The following GPC6 variants were observed in gnomAD, a reference collection of about 807,000 sequenced individuals.
The protein encoded by GPC6 is glypican-6.
Under a neutral mutation model 55.2 loss-of-function variants are expected in GPC6, and 14 were observed. That is an observed-to-expected ratio of 0.25 (90% CI 0.17 to 0.40). The LOEUF (loss-of-function observed/expected upper bound fraction) is 0.40. Ranked by LOEUF, GPC6 falls within the 10% of genes least tolerant of loss-of-function variation. GPC6 has a pLI of 1.00. For missense variants in GPC6, 641 were observed against 708.5 expected, an observed-to-expected ratio of 0.90 and a Z score of 1.08; for synonymous variants, 278 against 259.6, an observed-to-expected ratio of 1.07 and a Z score of -0.68.
At chr13:94,242,220 C>A (rs1891076022) in intron 4 of GPC6, among the ~76,000 whole-genome samples, 1 of 152,032 alleles carries the variant, frequency 6.6e-6, no homozygotes. Context: ...TTTCCAGCTT[C>A]ATCCATGTCC....
chr13:94,311,118 G>C (rs1218390454), intron 6 of GPC6, among the ~76,000 whole-genome samples: 1 of 152,142 alleles, frequency 6.6e-6, no homozygotes. Flanking sequence ...CCAATATGGG[G>C]CTGAGGACAA....
At chr13:93,841,352 G>A (rs1167534731) in intron 3 of GPC6, among the ~76,000 whole-genome samples, 1 of 152,088 alleles carries the variant, frequency 6.6e-6, no homozygotes, top group Non-Finnish European at 1.5e-5. Context: ...TAAGAAAGAG[G>A]GGGGTATGTT....
intron 1 of GPC6, among the ~76,000 whole-genome samples, chr13:93,416,635 T>C (rs1876707193): frequency 6.6e-6 from 1 of 152,114 alleles, no homozygotes; most frequent in Admixed American, 6.6e-5. Flanking sequence ...ATTGTAGGTC[T>C]TATACATTCT....
At chr13:93,508,234 T>G (rs1880811498) in intron 1 of GPC6, among the ~76,000 whole-genome samples, 1 of 152,230 alleles carries the variant, frequency 6.6e-6, no homozygotes, top group African/African-American at 2.4e-5. Context: ...GGGAATAGGC[T>G]ACTCTGATTT....
intron 4 of GPC6, among the ~76,000 whole-genome samples, chr13:94,116,642 T>C (rs1886440357): frequency 6.6e-6 from 1 of 152,100 alleles, no homozygotes; most frequent in Admixed American, 6.6e-5. Flanking sequence ...TTGAAACAAG[T>C]ATGCCTTGAA....
intron 2 of GPC6, among the ~76,000 whole-genome samples, chr13:93,731,296 A>G (rs1883810743): frequency 6.6e-6 from 1 of 152,144 alleles, no homozygotes; most frequent in Non-Finnish European, 1.5e-5. Flanking sequence ...CTACATCACA[A>G]AACTCTCATG....
intron 6 of GPC6, among the ~76,000 whole-genome samples, chr13:94,372,070 C>CTCCT (rs766074725): frequency 1.3e-5 from 2 of 151,900 alleles, no homozygotes; most frequent in South Asian, 2.1e-4. Flanking sequence ...CCTTCCCTCC[C>CTCCT]TCCTTCCTTC....
intron 3 of GPC6, among the ~76,000 whole-genome samples, chr13:93,984,943 A>G (rs1880958291): frequency 6.6e-6 from 1 of 152,222 alleles, no homozygotes; most frequent in Non-Finnish European, 1.5e-5. Context: ...CAAACTAACA[A>G]TAAGTGAATC....
At chr13:94,200,326 A>C (rs1040889099) in intron 4 of GPC6, among the ~76,000 whole-genome samples, 4 of 152,238 alleles carry the variant, frequency 2.6e-5, no homozygotes, top group Admixed American at 2.6e-4. Context: ...AACACCAGCC[A>C]AGTGACTGGC....
intron 3 of GPC6, among the ~76,000 whole-genome samples, chr13:93,891,360 T>C (rs1015373642): frequency 6.6e-6 from 1 of 151,620 alleles, no homozygotes; most frequent in Non-Finnish European, 1.5e-5. Flanking sequence ...TCATTCTGTG[T>C]ATCTCTATTA....
chr13:93,627,500 C>G (rs1408260584), intron 2 of GPC6, among the ~76,000 whole-genome samples: 2 of 152,104 alleles, frequency 1.3e-5, no homozygotes, highest in Non-Finnish European at 2.9e-5. Flanking sequence ...AGATTTAGGT[C>G]GGGTCACAGA....
intron 4 of GPC6, among the ~76,000 whole-genome samples, chr13:94,035,881 C>A (rs1268115070): frequency 1.3e-5 from 2 of 151,886 alleles, no homozygotes; most frequent in African/African-American, 4.8e-5. Flanking sequence ...CTAATCATGT[C>A]TTTATATTTG....
rs192649931 is a variant in GPC6 at position 94,353,937 on chromosome 13, A to G, written c.1153-28477A>G. On this transcript the variant is annotated intron_variant, in intron 6 of 8. Coordinates refer to ENST00000377047, the MANE Select transcript of GPC6 (RefSeq NM_005708.5). ...TGCCACGAATCCAGTGATACTGAAG[A>G]AAAAAAAATGCAAATCTAGAGTAGC... Among the ~76,000 whole-genome samples the G allele has an allele frequency of 1.9e-3, 251 of 133,316 alleles. 9 individuals carry two copies. In the East Asian group the frequency reaches 0.068, roughly 36 times the overall value. 87.5% of individuals were successfully genotyped at this position (133,316 alleles called of 152,430 possible).
chr13:94,052,213 G>A (rs1227597776), intron 4 of GPC6, among the ~76,000 whole-genome samples: 6 of 152,198 alleles, frequency 3.9e-5, no homozygotes, highest in African/African-American at 1.4e-4. Flanking sequence ...TTTATAGGAG[G>A]TAGTATTTGA....
chr13:93,972,499 C>T (rs1257036145), intron 3 of GPC6, among the ~76,000 whole-genome samples: 1 of 152,020 alleles, frequency 6.6e-6, no homozygotes, highest in Non-Finnish European at 1.5e-5. Flanking sequence ...CTTTCAGGTT[C>T]CCCCCACTCC....
chr13:93,585,655 A>G (rs1331865310), intron 2 of GPC6, among the ~76,000 whole-genome samples: 1 of 152,224 alleles, frequency 6.6e-6, no homozygotes, highest in Non-Finnish European at 1.5e-5. Flanking sequence ...ATTAAGAAAC[A>G]TATGTGCATC....
chr13:94,077,285 T>C (rs114668685), intron 4 of GPC6, among the ~76,000 whole-genome samples: 2,116 of 151,990 alleles, frequency 0.014, 67 homozygotes, highest in African/African-American at 0.047. Context: ...GATAGCTCAT[T>C]GTTAATGTAT....
intron 2 of GPC6, among the ~76,000 whole-genome samples, chr13:93,817,700 A>T (rs1886901974): frequency 2.0e-5 from 3 of 151,922 alleles, no homozygotes. Flanking sequence ...CTCTGCAAAA[A>T]ATACAAAAAT....
At chr13:93,833,912 T>C (rs1275701292) in intron 3 of GPC6, among the ~76,000 whole-genome samples, 1 of 152,110 alleles carries the variant, frequency 6.6e-6, no homozygotes, top group Admixed American at 6.5e-5. Context: ...ACCATGTGAC[T>C]CTTAGAAGCA....
Sources: gnomAD v4.1 joint callset for allele counts (sites outside exome capture counted in the v4.1 genomes callset) on GRCh38, gnomAD v4.1.1 for gene constraint, MANE v1.5 for transcripts, NCBI Gene and HGNC (gene_info 2026-07-23, HGNC 2026-07-21) for gene names.